ALPK2: variants seen among roughly 807,000 people sequenced by gnomAD.
ALPK2 encodes alpha kinase 2.
Under a neutral mutation model 163.1 loss-of-function variants are expected in ALPK2, and 127 were observed. The observed-to-expected ratio is 0.78, with a 90% CI of 0.67 to 0.90. The LOEUF is 0.90. Ranked by LOEUF, ALPK2 falls within the 40% of genes least tolerant of loss-of-function variation. The probability of loss-of-function intolerance (pLI) is 0.00; values close to 1 mark genes in which losing one functional copy is unlikely to be tolerated. For synonymous variants in ALPK2, 953 were observed against 959.1 expected, an observed-to-expected ratio of 0.99 and a Z score of 0.12; for missense variants, 2,360 against 2,589.6, an observed-to-expected ratio of 0.91 and a Z score of 1.92.
chr18:58,610,778 C>G (rs889531111), intron 2 of ALPK2, among the ~76,000 whole-genome samples: 2 of 151,692 alleles, frequency 1.3e-5, no homozygotes, highest in African/African-American at 4.8e-5. Flanking sequence ...CCCCCTCCCC[C>G]CGTCCCTATT....
intron 4 of ALPK2, among the ~76,000 whole-genome samples, chr18:58,569,352 A>G (rs1055131739): frequency 6.6e-6 from 1 of 152,226 alleles, no homozygotes; most frequent in African/African-American, 2.4e-5. Context: ...AAACCCAGGC[A>G]GCTGAATGTT....
Position 58,611,837 on chromosome 18 carries a change from C to A in ALPK2, c.-20-20G>T. 7.7e-7 allele frequency: 1 copy of A among 1,302,608 alleles called. No individual in the cohort carries two copies. Among genetic ancestry groups the A allele is most frequent in the South Asian group, 1.3e-5 (1 of 76,390 alleles). The allele number at this position is 1,302,608 out of a possible 1,614,324, so 80.7% of individuals were successfully genotyped here. A position where few individuals can be genotyped will look rare whatever the true frequency, so the allele number is the denominator to read the frequency against. Reference sequence around the variant, plus strand: ...CCAAATCTGAAAAAAAAAAAAATCCCCGACATCACCATTTGTTCTGGGATT... The same window carrying A: ...CCAAATCTGAAAAAAAAAAAAATCCACGACATCACCATTTGTTCTGGGATT... On this transcript the variant is annotated intron_variant, in intron 1 of 12. Transcript: ENST00000361673.
At chr18:58,521,060 T>C (rs1003752599) in intron 8 of ALPK2, among the ~76,000 whole-genome samples, 4 of 152,138 alleles carry the variant, frequency 2.6e-5, no homozygotes, top group Admixed American at 2.6e-4. Context: ...TATCTGAAGG[T>C]ACAAGGATAG....
At chr18:58,514,536 T>C (rs1157639915) in intron 10 of ALPK2, among the ~76,000 whole-genome samples, 4 of 152,200 alleles carry the variant, frequency 2.6e-5, no homozygotes, top group Admixed American at 2.6e-4. Flanking sequence ...GCAGGTACTA[T>C]GTTACTATGT....
chr18:58,553,831 A>T (rs1391152330), intron 4 of ALPK2, among the ~76,000 whole-genome samples: 33 of 134,130 alleles, frequency 2.5e-4, no homozygotes, highest in African/African-American at 8.6e-4. Context: ...AGTCTCGAGC[A>T]GTTGGGGTTT....
intron 12 of ALPK2, among the ~76,000 whole-genome samples, chr18:58,491,232 C>T (rs1419237565): frequency 6.6e-6 from 1 of 152,254 alleles, no homozygotes; most frequent in African/African-American, 2.4e-5. Flanking sequence ...AGAGGCCAAA[C>T]TAACTTGGGG....
At position 58,611,754 on chromosome 18, in the gene ALPK2, A is replaced by G; in HGVS notation, c.44T>C (p.Leu15Ser). 1 of 1,612,512 alleles carries G rather than the reference A, an allele frequency of 6.2e-7. No individual in the cohort carries two copies. The highest frequency in any genetic ancestry group is 8.5e-7 in the Non-Finnish European group (1 of 1,179,372). Reference protein sequence around the residue: ...EGPQRPPLCFLSTLLSQKVPE... With the variant: ...EGPQRPPLCFSSTLLSQKVPE... The stretch of plus-strand genomic sequence containing the variant: ...AACCTTCTGGGAAAGCAATGTAGAT[A>G]AAAAACACAGCGGGGGCCTCTGGGG... The change falls in exon 2 of 13, where the codon TTA becomes TCA. Residue 15 changes from leucine (L) to serine (S), a missense_variant. By Grantham distance (145) the Leu-to-Ser change is moderately radical. Coordinates refer to ENST00000361673, the MANE Select transcript of ALPK2 (RefSeq NM_052947.4).
At chr18:58,498,220 C>T in intron 11 of ALPK2, 123 bp from the exon 12 acceptor site, 1 of 851,252 alleles carries the variant, frequency 1.2e-6, no homozygotes. Context: ...TGCATAAACA[C>T]TCGAGGCCTC....
intron 9 of ALPK2, among the ~76,000 whole-genome samples, chr18:58,515,578 G>A (rs1217859380): frequency 1.3e-5 from 2 of 152,214 alleles, no homozygotes; most frequent in African/African-American, 2.4e-5. Flanking sequence ...CCAGATGCTG[G>A]GAGGTTTTCC....
At chr18:58,607,552 A>T (rs2052104960) in intron 2 of ALPK2, 113 bp from the exon 3 acceptor site, 2 of 640,574 alleles carry the variant, frequency 3.1e-6, no homozygotes, top group Admixed American at 6.4e-5. Flanking sequence ...GATGAGGATG[A>T]TGGATTACGT....
intron 1 of ALPK2, among the ~76,000 whole-genome samples, chr18:58,619,184 CGG>C (rs2052185783): frequency 6.6e-6 from 1 of 152,208 alleles, no homozygotes; most frequent in Non-Finnish European, 1.5e-5. Context: ...TAACACATTT[CGG>C]GTGCCTACTG....
Position 58,578,886 on chromosome 18 carries a change from G to A in ALPK2, c.1890C>T (p.Cys630=). The change falls in exon 4 of 13, where the codon TGC becomes TGT. Residue 630 remains cysteine, a synonymous_variant. Transcript: ENST00000361673. ...TATTAACTTGCATGCCTTCTCCCTT[G>A]CAATTTGTGTTGCCTTCTTTGGAGA... is the stretch of plus-strand genomic sequence containing the variant. ...DSVSKEGNTN[C]KGEGMQVNTL... The A allele has an allele frequency of 6.2e-7, 1 of 1,614,146 alleles. No individual in the cohort carries two copies. The highest frequency in any genetic ancestry group is 8.5e-7 in the Non-Finnish European group (1 of 1,180,026).
In ALPK2 at chr18:58,521,627, C is replaced by CTTTTTTTT. The variant is rs398033036; in HGVS notation, c.5665+2171_5665+2178dup. On this transcript the variant is annotated intron_variant, in intron 8 of 12. Transcript: ENST00000361673. ...TTTCTTTTTCTTTCTTTCTCTCTCT[C>CTTTTTTTT]TTTTTTTTTTTTTTTTTTTGAGATG... 6.9e-3 allele frequency among the ~76,000 whole-genome samples: 380 copies of CTTTTTTTT among 55,354 alleles called. 50 individuals carry two copies. The highest frequency in any genetic ancestry group is 0.021 in the African/African-American group (336 of 15,804). 36.3% of individuals were successfully genotyped at this position (55,354 alleles called of 152,430 possible).
chr18:58,537,015 C>T lies in ALPK2; in HGVS notation c.3172G>A (p.Asp1058Asn), dbSNP rs757407862. ...ATGGTAGCACCACTTAAAATATGAT[C>T]CAACTGCACTTGGGAAGGAAATTGG... Reference protein sequence around the residue: ...VSQFPSQVQLDHILSGATIKS... With the variant: ...VSQFPSQVQLNHILSGATIKS... The change falls in exon 5 of 13, where the codon GAT becomes AAT. Residue 1058 changes from aspartate (D) to asparagine (N), a missense_variant. Transcript: ENST00000361673. The T allele has an allele frequency of 7.3e-5, 117 of 1,613,728 alleles. 1 individual carries two copies. The South Asian group carries it at 1.0e-3, about 14-fold the overall frequency.
chr18:58,551,641 G>A (rs1020419453), intron 4 of ALPK2, among the ~76,000 whole-genome samples: 7 of 152,226 alleles, frequency 4.6e-5, no homozygotes, highest in African/African-American at 1.7e-4. Context: ...AATCAGCAGT[G>A]AAGCATAGTC....
chr18:58,524,733 A>G (rs962132444), intron 6 of ALPK2, among the ~76,000 whole-genome samples: 1 of 152,204 alleles, frequency 6.6e-6, no homozygotes, highest in African/African-American at 2.4e-5. Flanking sequence ...CAATTTCATG[A>G]TGCCCTCAGA....
chr18:58,548,998 G>C (rs1198193641), intron 4 of ALPK2, among the ~76,000 whole-genome samples: 1 of 152,144 alleles, frequency 6.6e-6, no homozygotes, highest in Non-Finnish European at 1.5e-5. Context: ...CCAGGCTCCT[G>C]CGTTTTGGTT....
intron 8 of ALPK2, among the ~76,000 whole-genome samples, chr18:58,519,019 T>A (rs907492046): frequency 6.6e-6 from 1 of 152,244 alleles, no homozygotes; most frequent in South Asian, 2.1e-4. Flanking sequence ...TTATGAGGAC[T>A]GAAGAATAAA....
chr18:58,556,324 C>T (rs1602216561), intron 4 of ALPK2, among the ~76,000 whole-genome samples: 1 of 152,200 alleles, frequency 6.6e-6, no homozygotes, highest in East Asian at 1.9e-4. Context: ...AGCTAAGGAA[C>T]TCAGACCTAA....
Sources: gnomAD v4.1 joint callset for allele counts (sites outside exome capture counted in the v4.1 genomes callset) on GRCh38, gnomAD v4.1.1 for gene constraint, MANE v1.5 for transcripts, NCBI Gene and HGNC (gene_info 2026-07-23, HGNC 2026-07-21) for gene names.